The following LINGO1 variants were observed in gnomAD, a reference collection of about 807,000 sequenced individuals.
LINGO1 encodes the protein leucine-rich repeat and immunoglobulin-like domain-containing nogo receptor-interacting protein 1.
Under a neutral mutation model 37.3 loss-of-function variants are expected in LINGO1, and 11 were observed. That is an observed-to-expected ratio of 0.29 (90% CI 0.19 to 0.49). LINGO1 has a LOEUF of 0.49. Among genes scored for constraint, LINGO1 ranks in the 20% least tolerant of loss-of-function variants. The pLI is 0.99. For synonymous variants in LINGO1, 387 were observed against 403.0 expected, an observed-to-expected ratio of 0.96 and a Z score of 0.48; for missense variants, 585 against 878.2, an observed-to-expected ratio of 0.67 and a Z score of 4.22.
At chr15:77,641,850 A>AGC (rs1473375778) in intron 3 of LINGO1, 1 of 456,400 alleles carries the variant, frequency 2.2e-6, no homozygotes, top group Non-Finnish European at 4.4e-6. Flanking sequence ...GGTCCTGCCC[A>AGC]GCCTGATAGG....
intron 1 of LINGO1, among the ~76,000 whole-genome samples, chr15:77,752,284 G>A (rs1197493454): frequency 6.6e-6 from 1 of 152,204 alleles, no homozygotes; most frequent in Non-Finnish European, 1.5e-5. Context: ...CTCAGCCAGC[G>A]ACAGGAGCCT....
At chr15:77,768,584 G>A (rs568729611) in intron 1 of LINGO1, among the ~76,000 whole-genome samples, 2 of 152,220 alleles carry the variant, frequency 1.3e-5, no homozygotes, top group African/African-American at 2.4e-5. Flanking sequence ...GGGCAGGTTG[G>A]GACAGTGACA....
chr15:77,710,785 A>T lies in LINGO1; in HGVS notation c.-194-19884T>A, dbSNP rs529009083. On this transcript the variant is annotated intron_variant, in intron 2 of 3. Transcript: ENST00000561686. Reference sequence around the variant, plus strand: ...GCAGAGCATGCTTGCTCAAGGTCACACAGCAAGCTGGCCAACCGTGCCGGG... The same window carrying T: ...GCAGAGCATGCTTGCTCAAGGTCACTCAGCAAGCTGGCCAACCGTGCCGGG... Among the ~76,000 whole-genome samples, 9 of 152,336 alleles carry T rather than the reference A, an allele frequency of 5.9e-5. No homozygotes were observed. The South Asian group carries it at 1.7e-3, about 28-fold the overall frequency.
At chr15:77,731,549 G>A (rs538002238) in intron 2 of LINGO1, among the ~76,000 whole-genome samples, 2 of 152,226 alleles carry the variant, frequency 1.3e-5, no homozygotes, top group East Asian at 1.9e-4. Flanking sequence ...GGGAAACAGG[G>A]ATCATGGCTT....
intron 1 of LINGO1, among the ~76,000 whole-genome samples, chr15:77,803,786 C>T (rs758612567): frequency 4.6e-5 from 7 of 152,164 alleles, no homozygotes; most frequent in Non-Finnish European, 8.8e-5. Context: ...CTCCTGAGGC[C>T]TCCCCAGAAG....
chr15:77,647,306 C>G (rs1834857572), intron 3 of LINGO1, among the ~76,000 whole-genome samples: 2 of 151,180 alleles, frequency 1.3e-5, no homozygotes, highest in African/African-American at 4.9e-5. Context: ...GTCAGTCTGC[C>G]AGAGCACAGT....
chr15:77,656,378 T>TA (rs2074866106), intron 3 of LINGO1, among the ~76,000 whole-genome samples: 1 of 152,000 alleles, frequency 6.6e-6, no homozygotes. Context: ...TTTCCCTTCC[T>TA]AAAAAACACA....
intron 1 of LINGO1, among the ~76,000 whole-genome samples, chr15:77,783,149 G>A (rs1383703936): frequency 1.3e-5 from 2 of 152,168 alleles, no homozygotes; most frequent in Non-Finnish European, 2.9e-5. Flanking sequence ...TTCAGCCCCA[G>A]CCACTCCCTA....
At chr15:77,745,261 C>T (rs1567559635) in intron 1 of LINGO1, among the ~76,000 whole-genome samples, 1 of 151,678 alleles carries the variant, frequency 6.6e-6, no homozygotes, top group Non-Finnish European at 1.5e-5. Flanking sequence ...TCCGTCTCTA[C>T]TAAAAATACA....
intron 1 of LINGO1, among the ~76,000 whole-genome samples, chr15:77,817,059 G>A (rs1324809614): frequency 6.6e-6 from 1 of 152,172 alleles, no homozygotes; most frequent in Non-Finnish European, 1.5e-5. Flanking sequence ...GGGAGAGGCA[G>A]AGAGAGGCCG....
chr15:77,753,521 A>G (rs1476722615), intron 1 of LINGO1, among the ~76,000 whole-genome samples: 1 of 152,134 alleles, frequency 6.6e-6, no homozygotes, highest in Non-Finnish European at 1.5e-5. Flanking sequence ...ATCGTCATGG[A>G]GACAGAGGAC....
exon 1 of LINGO1, chr15:77,786,940 G>C (rs1185240804): frequency 1.3e-5 from 2 of 152,260 alleles, no homozygotes; most frequent in African/African-American, 4.8e-5. Context: ...GTGAAGATGG[G>C]AAGCACCCAG....
In LINGO1 at chr15:77,668,792, TACACACACACAC is replaced by T. The variant is rs34476518; in HGVS notation, c.-13+8285_-13+8296del. On this transcript the variant is annotated intron_variant, in intron 3 of 3. Transcript: ENST00000559893. ...CTGCCCTGGGGAGCTCACAGGGGAA[TACACACACACAC>T]ACACACACACACACACACACACACA... Among the ~76,000 whole-genome samples, 437 of 134,898 alleles carry T rather than the reference TACACACACACAC, an allele frequency of 3.2e-3. 2 individuals are homozygous for T. The highest frequency in any genetic ancestry group is 0.011 in the African/African-American group (397 of 36,058). The allele number at this position is 134,898 out of a possible 152,430, so 88.5% of individuals were successfully genotyped here.
chr15:77,742,741 C>T (rs1036809695), intron 1 of LINGO1, among the ~76,000 whole-genome samples: 1 of 152,248 alleles, frequency 6.6e-6, no homozygotes, highest in Non-Finnish European at 1.5e-5. Flanking sequence ...ATTCCAAAGA[C>T]TGGTGTGCTG....
chr15:77,746,622 G>A (rs898957454), intron 1 of LINGO1, among the ~76,000 whole-genome samples: 7 of 152,084 alleles, frequency 4.6e-5, no homozygotes, highest in South Asian at 2.1e-4. Flanking sequence ...GGCTGGGGGC[G>A]AGGAGCCCTG....
chr15:77,681,876 A>G (rs1168351716), intron 2 of LINGO1, among the ~76,000 whole-genome samples: 2 of 152,134 alleles, frequency 1.3e-5, no homozygotes, highest in South Asian at 2.1e-4. Context: ...ATCGCACCCA[A>G]TGAGCCCCCT....
chr15:77,719,806 ACT>A (rs1191341627), intron 2 of LINGO1, among the ~76,000 whole-genome samples: 2 of 149,266 alleles, frequency 1.3e-5, no homozygotes, highest in Middle Eastern at 3.2e-3. Flanking sequence ...ACACACGCAC[ACT>A]CACACGCTTT....
At chr15:77,616,961 C>A (rs950278151) in intron 1 of LINGO1, among the ~76,000 whole-genome samples, 1 of 152,192 alleles carries the variant, frequency 6.6e-6, no homozygotes, top group East Asian at 1.9e-4. Context: ...CTTCCTAGTA[C>A]CAGAGTTCTG....
intron 1 of LINGO1, among the ~76,000 whole-genome samples, chr15:77,819,707 C>T (rs1184834035): frequency 6.6e-6 from 1 of 151,304 alleles, no homozygotes; most frequent in African/African-American, 2.4e-5. Context: ...CTCCGGGACC[C>T]GCCGGCCTTA....
Sources: gnomAD v4.1 joint callset for allele counts (sites outside exome capture counted in the v4.1 genomes callset) on GRCh38, gnomAD v4.1.1 for gene constraint, MANE v1.5 for transcripts, NCBI Gene and HGNC (gene_info 2026-07-23, HGNC 2026-07-21) for gene names.